The following UGGT2 variants were observed in gnomAD, a reference collection of about 807,000 sequenced individuals.
UGGT2 encodes the protein UDP-glucose:glycoprotein glucosyltransferase 2.
Under a neutral mutation model 192.1 loss-of-function variants are expected in UGGT2, and 180 were observed. The observed-to-expected ratio is 0.94, with a 90% CI of 0.83 to 1.06. UGGT2 has a LOEUF of 1.06. UGGT2 is among the 50% of genes least tolerant of loss of function. UGGT2 has a pLI of 0.00. For missense variants in UGGT2, 1,849 were observed against 1,795.7 expected, an observed-to-expected ratio of 1.03 and a Z score of -0.54; for synonymous variants, 580 against 591.0, an observed-to-expected ratio of 0.98 and a Z score of 0.27.
In UGGT2 at chr13:96,039,664, T is replaced by C. The variant is rs561335106; in HGVS notation, c.159-7693A>G. Among the ~76,000 whole-genome samples, 268 of 152,304 alleles carry C rather than the reference T, an allele frequency of 1.8e-3. 1 individual carries two copies. The highest frequency in any genetic ancestry group is 6.3e-3 in the African/African-American group (260 of 41,556). On this transcript the variant is annotated intron_variant, in intron 1 of 38. Transcript: ENST00000376747. ...CCTTTTTAAATTTATCTCTTTCTTC[T>C]CTCATTTTAATATAGGCAGCGAGGA...
intron 29 of UGGT2, among the ~76,000 whole-genome samples, chr13:95,869,126 A>C (rs1890980189): frequency 6.6e-6 from 1 of 150,720 alleles, no homozygotes; most frequent in Admixed American, 6.6e-5. Context: ...ATGAGTGAGA[A>C]CATGGCGGTG....
chr13:95,879,504 C>T (rs1489595566), intron 27 of UGGT2, among the ~76,000 whole-genome samples: 1 of 152,160 alleles, frequency 6.6e-6, no homozygotes, highest in Non-Finnish European at 1.5e-5. Context: ...GGCACGATCT[C>T]GGCTCACTGC....
At chr13:96,016,443 A>C (rs1030323343) in intron 4 of UGGT2, among the ~76,000 whole-genome samples, 1 of 152,242 alleles carries the variant, frequency 6.6e-6, no homozygotes, top group Non-Finnish European at 1.5e-5. Context: ...GTGCCATGCC[A>C]GCAGGTTGCA....
intron 16 of UGGT2, among the ~76,000 whole-genome samples, chr13:95,938,424 C>A (rs1309471699): frequency 2.6e-5 from 4 of 152,096 alleles, no homozygotes; most frequent in African/African-American, 9.7e-5. Flanking sequence ...CTCTAGGAAG[C>A]CAAGTACTAC....
At chr13:95,820,280 A>G (rs1350538781) in intron 38 of UGGT2, among the ~76,000 whole-genome samples, 1 of 152,216 alleles carries the variant, frequency 6.6e-6, no homozygotes, top group Non-Finnish European at 1.5e-5. Flanking sequence ...AACTGACTCC[A>G]GAAGCTATAT....
At chr13:95,858,568 G>A (rs150691251) in intron 33 of UGGT2, among the ~76,000 whole-genome samples, 60 of 152,226 alleles carry the variant, frequency 3.9e-4, no homozygotes, top group African/African-American at 1.4e-3. Flanking sequence ...CCACTGTAAC[G>A]GGATTCTACT....
rs556193278 is a variant in UGGT2 at position 96,035,245 on chromosome 13, C to T, written c.159-3274G>A. On this transcript the variant is annotated intron_variant, in intron 1 of 38. Transcript: ENST00000376747. ...TAGATCAATGGAACAGAATAGAGAA[C>T]TCAGAAATAAGACTGCACACCTACA... 2.0e-5 allele frequency among the ~76,000 whole-genome samples: 3 copies of T among 152,286 alleles called. No homozygotes were observed. In the South Asian group the frequency reaches 6.2e-4, roughly 32 times the overall value.
At chr13:95,964,862 A>G (rs959905359) in intron 12 of UGGT2, among the ~76,000 whole-genome samples, 12 of 152,162 alleles carry the variant, frequency 7.9e-5, no homozygotes, top group Non-Finnish European at 1.3e-4. Flanking sequence ...AAGGGCTAAT[A>G]TCCAGAATCT....
intron 5 of UGGT2, 60 bp downstream of exon 5, chr13:96,013,247 T>G (rs1371407388): frequency 5.5e-6 from 8 of 1,465,724 alleles, no homozygotes; most frequent in Non-Finnish European, 7.3e-6. Context: ...GTAAGACGAT[T>G]ATCATAATAA....
chr13:95,842,057 G>GC (rs1887921798), intron 36 of UGGT2, among the ~76,000 whole-genome samples: 1 of 152,144 alleles, frequency 6.6e-6, no homozygotes, highest in African/African-American at 2.4e-5. Context: ...GTAACCTTAT[G>GC]CCAGTACCAC....
chr13:96,053,377 G>C lies in UGGT2; in HGVS notation c.-65C>G. 3.9e-6 allele frequency: 6 copies of C among 1,528,772 alleles called. No individual in the cohort carries two copies. The highest frequency in any genetic ancestry group is 1.8e-4 in the Middle Eastern group (1 of 5,420). The allele number at this position is 1,528,772 out of a possible 1,614,324, so 94.7% of individuals were successfully genotyped here. On this transcript the variant is annotated 5_prime_UTR_variant, in exon 1 of 39. Transcript: ENST00000376747. Reference sequence around the variant, plus strand: ...CCACAGTCTGTGGCCGCCACGCTTCGGCCGGCTCTTCCCGCTGCGCGGCTG... The same window carrying C: ...CCACAGTCTGTGGCCGCCACGCTTCCGCCGGCTCTTCCCGCTGCGCGGCTG...
At chr13:95,966,775 G>A (rs1210457228) in intron 12 of UGGT2, among the ~76,000 whole-genome samples, 1 of 151,922 alleles carries the variant, frequency 6.6e-6, no homozygotes, top group Non-Finnish European at 1.5e-5. Context: ...ATTCACAGAA[G>A]AACATGATGA....
intron 30 of UGGT2, 44 bp from the exon 31 acceptor site, chr13:95,863,758 T>C (rs1301385136): frequency 6.9e-7 from 1 of 1,443,962 alleles, no homozygotes; most frequent in Non-Finnish European, 9.7e-7. Flanking sequence ...CTGCTTTAAA[T>C]ATTGTGCTGT....
chr13:96,025,638 G>C (rs901548052), intron 2 of UGGT2, among the ~76,000 whole-genome samples: 1 of 152,110 alleles, frequency 6.6e-6, no homozygotes, highest in African/African-American at 2.4e-5. Flanking sequence ...TCTGATCCAA[G>C]AGTCTTATGT....
At chr13:95,934,790 T>C (rs2049405053) in intron 17 of UGGT2, among the ~76,000 whole-genome samples, 1 of 152,208 alleles carries the variant, frequency 6.6e-6, no homozygotes, top group African/African-American at 2.4e-5. Flanking sequence ...ATTACAGGCA[T>C]GAACCACCAT....
Position 95,972,662 on chromosome 13 carries a change from C to A in UGGT2, c.1102G>T (p.Val368Phe). The A allele has an allele frequency of 6.2e-7, 1 of 1,612,990 alleles. No individual in the cohort carries two copies. Among genetic ancestry groups the A allele is most frequent in the African/African-American group, 1.3e-5 (1 of 74,992 alleles). The change falls in exon 11 of 39, where the codon GTT (valine) becomes TTT (phenylalanine). Residue 368 changes from valine (V) to phenylalanine (F), a missense_variant. Val to Phe is a conservative substitution (Grantham distance 50, BLOSUM62 -1). Coordinates refer to ENST00000376747, the MANE Select transcript of UGGT2 (RefSeq NM_020121.4). ...TCGCCTGGCTGAATTTTAAATCTAA[C>A]TTGAAGATCCTTGAAGTAGAGCAAA... is the stretch of plus-strand genomic sequence containing the variant. Reference protein sequence around the residue: ...EIKENQKDLQVRFKIQPGDAR... With the variant: ...EIKENQKDLQFRFKIQPGDAR...
chr13:95,925,425 T>G (rs1311989017), intron 20 of UGGT2, among the ~76,000 whole-genome samples: 1 of 152,176 alleles, frequency 6.6e-6, no homozygotes, highest in African/African-American at 2.4e-5. Context: ...ACCCTATTTG[T>G]AATCAATATG....
At chr13:96,048,914 C>G (rs2053401896) in intron 1 of UGGT2, among the ~76,000 whole-genome samples, 1 of 152,122 alleles carries the variant, frequency 6.6e-6, no homozygotes, top group African/African-American at 2.4e-5. Flanking sequence ...CAAAGAGGAG[C>G]TGGTACCATT....
At chr13:96,033,787 C>A (rs2052912460) in intron 1 of UGGT2, among the ~76,000 whole-genome samples, 1 of 152,188 alleles carries the variant, frequency 6.6e-6, no homozygotes, top group African/African-American at 2.4e-5. Context: ...CTTTGGGCAC[C>A]AATGGGCATG....
Sources: allele counts gnomAD v4.1 joint callset (sites outside exome capture counted in the v4.1 genomes callset), GRCh38; gene constraint gnomAD v4.1.1; transcripts MANE v1.5; gene names NCBI Gene and HGNC (gene_info 2026-07-23, HGNC 2026-07-21).